The following CNTNAP2 variants were observed in gnomAD, a reference collection of about 807,000 sequenced individuals.
CNTNAP2 encodes the protein contactin-associated protein-like 2.
CNTNAP2 carries 98 observed loss-of-function variants against 155.2 expected under a neutral mutation model. That is an observed-to-expected ratio of 0.63 (90% confidence interval 0.54 to 0.75). The LOEUF (loss-of-function observed/expected upper bound fraction) is 0.75, where lower values mean the gene tolerates loss of function less well. CNTNAP2 is among the 30% of genes least tolerant of loss of function. The pLI is 0.00. For missense variants in CNTNAP2, 1,727 were observed against 1,688.1 expected, an observed-to-expected ratio of 1.02 and a Z score of -0.40; for synonymous variants, 651 against 631.2, an observed-to-expected ratio of 1.03 and a Z score of -0.47.
chr7:146,618,841 A>T (rs1306652433), intron 1 of CNTNAP2, among the ~76,000 whole-genome samples: 1 of 152,092 alleles, frequency 6.6e-6, no homozygotes, highest in Non-Finnish European at 1.5e-5. Flanking sequence ...AGGCCGAGAC[A>T]GGCGGATAAC....
At chr7:147,984,805 A>G (rs1424511549) in intron 15 of CNTNAP2, among the ~76,000 whole-genome samples, 10 of 152,094 alleles carry the variant, frequency 6.6e-5, no homozygotes, top group African/African-American at 2.4e-4. Flanking sequence ...GAGGAACTTC[A>G]CTTTCACTGT....
chr7:146,372,868 T>A (rs1336082382), intron 1 of CNTNAP2, among the ~76,000 whole-genome samples: 1 of 152,164 alleles, frequency 6.6e-6, no homozygotes, highest in Non-Finnish European at 1.5e-5. Flanking sequence ...CCCTCATGTT[T>A]GTATAAGAGA....
chr7:148,106,519 TACATA>T (rs1563201384), intron 15 of CNTNAP2, among the ~76,000 whole-genome samples: 1 of 130,864 alleles, frequency 7.6e-6, no homozygotes, highest in Non-Finnish European at 1.7e-5. Flanking sequence ...TATATATATA[TACATA>T]TTTTTTTTTC....
chr7:146,480,675 T>TA (rs1491210149), intron 1 of CNTNAP2, among the ~76,000 whole-genome samples: 74 of 95,752 alleles, frequency 7.7e-4, no homozygotes, highest in South Asian at 4.2e-3. Context: ...TATATATATA[T>TA]TTTTTTTTTT....
At chr7:147,900,933 A>G (rs908304687) in intron 13 of CNTNAP2, among the ~76,000 whole-genome samples, 3 of 152,178 alleles carry the variant, frequency 2.0e-5, no homozygotes, top group African/African-American at 7.2e-5. Context: ...TCTACAATCA[A>G]TTTGTACATT....
At chr7:147,714,042 T>C (rs1796446355) in intron 13 of CNTNAP2, among the ~76,000 whole-genome samples, 1 of 152,156 alleles carries the variant, frequency 6.6e-6, no homozygotes, top group Admixed American at 6.6e-5. Flanking sequence ...TACCATTTAT[T>C]GAGTACCTAC....
chr7:146,454,470 A>G (rs1194840441), intron 1 of CNTNAP2, among the ~76,000 whole-genome samples: 1 of 152,114 alleles, frequency 6.6e-6, no homozygotes, highest in Non-Finnish European at 1.5e-5. Context: ...TAAAATTTTT[A>G]CTGTGTAGTA....
chr7:147,429,963 C>T (rs923657694), intron 10 of CNTNAP2, among the ~76,000 whole-genome samples: 1 of 151,988 alleles, frequency 6.6e-6, no homozygotes, highest in Non-Finnish European at 1.5e-5. Flanking sequence ...GTAACTATAG[C>T]CTTGTAGTAT....
At chr7:147,720,479 T>G (rs1179552452) in intron 13 of CNTNAP2, among the ~76,000 whole-genome samples, 1 of 152,114 alleles carries the variant, frequency 6.6e-6, no homozygotes, top group Non-Finnish European at 1.5e-5. Context: ...AGTTACAAAG[T>G]TTATCCTTTC....
At chr7:147,890,268 T>G (rs1032232538) in intron 13 of CNTNAP2, among the ~76,000 whole-genome samples, 68 of 152,180 alleles carry the variant, frequency 4.5e-4, no homozygotes, top group African/African-American at 1.6e-3. Flanking sequence ...ATTCCTAAAG[T>G]GGTATTTTGA....
At chr7:147,518,070 A>T (rs990585494) in intron 11 of CNTNAP2, among the ~76,000 whole-genome samples, 3 of 152,112 alleles carry the variant, frequency 2.0e-5, no homozygotes, top group African/African-American at 7.2e-5. Context: ...TTTGTTTAAG[A>T]GTATATAGTT....
chr7:146,381,504 T>C (rs1584898505), intron 1 of CNTNAP2, among the ~76,000 whole-genome samples: 1 of 152,270 alleles, frequency 6.6e-6, no homozygotes, highest in African/African-American at 2.4e-5. Context: ...TGTAAAATGG[T>C]GATAATAACA....
At chr7:147,169,485 T>C (rs1023589781) in intron 8 of CNTNAP2, among the ~76,000 whole-genome samples, 1 of 152,170 alleles carries the variant, frequency 6.6e-6, no homozygotes, top group African/African-American at 2.4e-5. Context: ...TATATGTTCA[T>C]GTGTGTCCAA....
intron 13 of CNTNAP2, among the ~76,000 whole-genome samples, chr7:147,720,203 A>G (rs1477640151): frequency 6.6e-6 from 1 of 152,154 alleles, no homozygotes; most frequent in Non-Finnish European, 1.5e-5. Context: ...TTCTAAGAAA[A>G]GAAGAAAAGA....
intron 3 of CNTNAP2, among the ~76,000 whole-genome samples, chr7:146,886,283 AAAAAG>A (rs1795657930): frequency 6.6e-6 from 1 of 151,410 alleles, no homozygotes; most frequent in South Asian, 2.1e-4. Flanking sequence ...CTTAAAAAAA[AAAAAG>A]AAAGAAATAT....
intron 8 of CNTNAP2, among the ~76,000 whole-genome samples, chr7:147,173,084 A>G (rs917710892): frequency 3.9e-5 from 6 of 152,224 alleles, no homozygotes; most frequent in South Asian, 2.1e-4. Flanking sequence ...CAACATTTAC[A>G]TAGATCTTCT....
rs531538589 is a variant in CNTNAP2, at chr7:147,778,299, T to C, written c.2099-125266T>C. Among the ~76,000 whole-genome samples the C allele has an allele frequency of 3.3e-5, 5 of 152,368 alleles. No homozygotes were observed. In the South Asian group the frequency reaches 8.3e-4, roughly 25 times the overall value. ...ACTTTGGAATAAAAAGAAGATAGAT[T>C]ATTTGTTGAATAAATATGTAAATAC... is the stretch of plus-strand genomic sequence containing the variant. On this transcript the variant is annotated intron_variant, in intron 13 of 23. Transcript: ENST00000361727.
chr7:147,616,733 A>G (rs951616544), intron 12 of CNTNAP2, among the ~76,000 whole-genome samples: 1 of 152,030 alleles, frequency 6.6e-6, no homozygotes, highest in Non-Finnish European at 1.5e-5. Context: ...AACGTGTTAG[A>G]TATTTGTTTG....
chr7:147,432,920 A>G (rs1290605272), intron 10 of CNTNAP2, among the ~76,000 whole-genome samples: 1 of 152,226 alleles, frequency 6.6e-6, no homozygotes, highest in Non-Finnish European at 1.5e-5. Context: ...ATGCATTCGC[A>G]TGGTTATTTG....
Sources: allele counts gnomAD v4.1 joint callset (sites outside exome capture counted in the v4.1 genomes callset), GRCh38; gene constraint gnomAD v4.1.1; transcripts MANE v1.5; gene names NCBI Gene and HGNC (gene_info 2026-07-23, HGNC 2026-07-21).